Variants in PRDM1 observed in about 807,000 individuals in gnomAD.
PRDM1 encodes PR/SET domain 1.
A neutral mutation model predicts 62.8 loss-of-function variants in PRDM1; 13 were observed. The observed-to-expected ratio is 0.21, with a 90% confidence interval of 0.13 to 0.33. The LOEUF (loss-of-function observed/expected upper bound fraction) is 0.33. PRDM1 is among the 10% of genes least tolerant of loss of function. The pLI is 1.00. For synonymous variants in PRDM1, 396 were observed against 417.6 expected, an observed-to-expected ratio of 0.95 and a Z score of 0.63; for missense variants, 895 against 1,058.8, an observed-to-expected ratio of 0.85 and a Z score of 2.15.
chr6:106,109,128 G>A lies in PRDM1; in HGVS notation c.*1642G>A, dbSNP rs750082420. On this transcript the variant is annotated 3_prime_UTR_variant, in exon 7 of 7. Coordinates refer to ENST00000369096, the MANE Select transcript of PRDM1 (RefSeq NM_001198.4). ...AAAAAAAAAAAGAACACTCCTTTCT[G>A]AGACTTTGCTTAATACTTGGTGACC... 46 of 186,338 alleles carry A rather than the reference G, an allele frequency of 2.5e-4. No individual in the cohort carries two copies. Among genetic ancestry groups the A allele is most frequent in the Admixed American group, 8.2e-4 (12 of 14,588 alleles). 11.5% of individuals were successfully genotyped at this position (186,338 alleles called of 1,614,324 possible). A position where few individuals can be genotyped will look rare whatever the true frequency, so the allele number is the denominator to read the frequency against.
At chr6:106,087,682 C>T (rs1582459513) in intron 1 of PRDM1, 1 of 232,716 alleles carries the variant, frequency 4.3e-6, no homozygotes, top group East Asian at 6.1e-5. Flanking sequence ...TGGGAAAGTT[C>T]GGTCTTCCCC....
chr6:106,089,241 T>C (rs963751098), intron 2 of PRDM1, among the ~76,000 whole-genome samples: 1 of 152,226 alleles, frequency 6.6e-6, no homozygotes, highest in Non-Finnish European at 1.5e-5. Context: ...GAATTTGGCT[T>C]ACTGTAGTTG....
chr6:106,107,046 C>G lies in PRDM1; in HGVS notation c.2038C>G (p.Leu680Val), dbSNP rs2114662628. ...QFVHLKLHKR[L>V]HTRERPHKCS... Reference sequence around the variant, plus strand: ...TGTGCACCTGAAACTGCACAAGCGTCTGCACACCCGGGAGCGGCCCCACAA... The same window carrying G: ...TGTGCACCTGAAACTGCACAAGCGTGTGCACACCCGGGAGCGGCCCCACAA... Residue 680 changes from leucine (L) to valine (V), a missense_variant, in exon 7 of 7, where the codon CTG (leucine) becomes GTG (valine). Leu to Val is a conservative substitution (Grantham distance 32, BLOSUM62 1). This residue lies in a region of PRDM1 where 74 missense variants were observed against 172.4 expected (regional missense o/e 0.43). Coordinates refer to ENST00000369096, the MANE Select transcript of PRDM1 (RefSeq NM_001198.4). 1 of 1,614,246 alleles carries G rather than the reference C, an allele frequency of 6.2e-7. No homozygotes were observed. The highest frequency in any genetic ancestry group is 8.5e-7 in the Non-Finnish European group (1 of 1,180,048).
intron 1 of PRDM1, among the ~76,000 whole-genome samples, chr6:106,028,635 A>C (rs571220691): frequency 3.3e-5 from 5 of 152,316 alleles, no homozygotes; most frequent in African/African-American, 9.6e-5. Context: ...TTAAGGTATA[A>C]TTGAAGTACA....
chr6:106,087,366 T>A (rs1326107595), intron 1 of PRDM1, among the ~76,000 whole-genome samples: 3 of 152,256 alleles, frequency 2.0e-5, no homozygotes, highest in Non-Finnish European at 4.4e-5. Context: ...TGGAAAGTGC[T>A]ATTTGTAGCT....
intron 1 of PRDM1, among the ~76,000 whole-genome samples, chr6:106,027,256 T>G (rs114487505): frequency 9.3e-4 from 141 of 152,298 alleles, no homozygotes; most frequent in African/African-American, 3.3e-3. Context: ...TGGCAAAGGT[T>G]ATAAAGGAAA....
chr6:106,067,188 G>A (rs753308488), intron 1 of PRDM1, among the ~76,000 whole-genome samples: 67 of 152,246 alleles, frequency 4.4e-4, no homozygotes, highest in African/African-American at 1.3e-3. Context: ...ACATTTAACC[G>A]ATTCCACATT....
At position 106,103,736 on chromosome 6, in the gene PRDM1, A is replaced by G. The variant is rs77188173; in HGVS notation, c.665-1089A>G. 3.7e-3 allele frequency among the ~76,000 whole-genome samples: 563 copies of G among 152,276 alleles called. 7 individuals are homozygous for G. The highest frequency in any genetic ancestry group is 0.013 in the African/African-American group (528 of 41,554). The stretch of plus-strand genomic sequence containing the variant: ...GCTGCTGTTCCTAAATAGTATCTTT[A>G]CCAAGTAATAACGTGCCGTCTTTGG... On this transcript the variant is annotated intron_variant, in intron 4 of 6. Coordinates refer to ENST00000369096, the MANE Select transcript of PRDM1 (RefSeq NM_001198.4).
At chr6:106,038,191 G>C (rs1772947785) in intron 1 of PRDM1, among the ~76,000 whole-genome samples, 1 of 151,394 alleles carries the variant, frequency 6.6e-6, no homozygotes, top group South Asian at 2.1e-4. Flanking sequence ...CACAATGTTG[G>C]CCAGGCTGGT....
At chr6:106,047,972 G>T (rs747792690), upstream of PRDM1, among the ~76,000 whole-genome samples, 1 of 152,210 alleles carries the variant, frequency 6.6e-6, no homozygotes, top group Non-Finnish European at 1.5e-5. Context: ...TTCTTAAACG[G>T]CTTGTGCCAG....
chr6:106,029,020 A>G (rs1412752014), intron 1 of PRDM1, among the ~76,000 whole-genome samples: 1 of 148,260 alleles, frequency 6.7e-6, no homozygotes, highest in African/African-American at 2.5e-5. Flanking sequence ...TCCTGGGTTC[A>G]AGCGATTCTC....
intron 1 of PRDM1, among the ~76,000 whole-genome samples, chr6:106,011,669 G>C (rs1223890208): frequency 1.3e-5 from 2 of 152,048 alleles, no homozygotes; most frequent in Non-Finnish European, 2.9e-5. Flanking sequence ...AAAGGAGTTG[G>C]AGTCCGAAGT....
chr6:106,031,812 A>G (rs1772847603), intron 1 of PRDM1, among the ~76,000 whole-genome samples: 1 of 152,244 alleles, frequency 6.6e-6, no homozygotes, highest in South Asian at 2.1e-4. Context: ...CTTAAAGAGA[A>G]GTAGATCAGC....
At chr6:105,999,160 A>C (rs965432030) in intron 1 of PRDM1, among the ~76,000 whole-genome samples, 1 of 151,800 alleles carries the variant, frequency 6.6e-6, no homozygotes, top group African/African-American at 2.4e-5. Context: ...GTTGGTCTCA[A>C]ACTCCTGGGC....
chr6:106,098,886 G>T, intron 3 of PRDM1: 3 of 1,512,610 alleles, frequency 2.0e-6, no homozygotes, highest in Non-Finnish European at 2.7e-6. Flanking sequence ...AGCCGGCTTG[G>T]TCTTCTACCC....
upstream of PRDM1, among the ~76,000 whole-genome samples, chr6:106,047,614 C>T (rs1056416926): frequency 1.3e-5 from 2 of 152,248 alleles, no homozygotes; most frequent in Non-Finnish European, 2.9e-5. Context: ...CCTCTTCTGT[C>T]ATCCTTATCT....
Position 106,103,560 on chromosome 6 carries a change from G to A in PRDM1, c.665-1265G>A, listed in dbSNP as rs1489420531. On this transcript the variant is annotated intron_variant, in intron 4 of 6. Coordinates refer to ENST00000369096, the MANE Select transcript of PRDM1 (RefSeq NM_001198.4). ...ATAATCAGAGCTCAAACTAAACATC[G>A]TATGTTTTACTTTTGGTTTCCAGGC... Among the ~76,000 whole-genome samples, 3 of 152,178 alleles carry A rather than the reference G, an allele frequency of 2.0e-5. No homozygotes were observed. The East Asian group carries it at 5.8e-4, about 29-fold the overall frequency.
Position 105,994,881 on chromosome 6 carries a change from G to C in PRDM1, c.-67+1242G>C, listed in dbSNP as rs1772327357. Among the ~76,000 whole-genome samples, 1 of 152,246 alleles carries C rather than the reference G, an allele frequency of 6.6e-6. No homozygotes were observed. The highest frequency in any genetic ancestry group is 2.4e-5 in the African/African-American group (1 of 41,460). ...GAGCCCGGCCACGCGGTCCGACCGG[G>C]TCCGGGGACGGCGCGCTTGTCGCGG... On this transcript the variant is annotated intron_variant, in intron 1 of 6. Transcript: ENST00000652320. This position sits in a 1 kb window ranked among gnomAD's most constrained non-coding sequence, Gnocchi z 4.1.
intron 1 of PRDM1, among the ~76,000 whole-genome samples, chr6:106,075,812 C>T (rs904923243): frequency 6.6e-6 from 1 of 152,134 alleles, no homozygotes; most frequent in African/African-American, 2.4e-5. Context: ...CTGCCTCAGT[C>T]TCCAGAGTAG....
Sources: allele counts gnomAD v4.1 joint callset (sites outside exome capture counted in the v4.1 genomes callset), GRCh38; gene constraint gnomAD v4.1.1; regional missense constraint gnomAD v4.1.1; non-coding constraint Gnocchi (gnomAD v3.1); transcripts MANE v1.5; gene names NCBI Gene and HGNC (gene_info 2026-07-23, HGNC 2026-07-21).